Variants in PRKN observed in about 807,000 individuals in gnomAD.
The protein encoded by PRKN is parkin RBR E3 ubiquitin protein ligase.
In PRKN, 56 loss-of-function variants were observed where a neutral mutation model predicts 59.5. The observed-to-expected ratio is 0.94, with a 90% CI of 0.76 to 1.18. The LOEUF is 1.18. Ranked by LOEUF, PRKN falls within the 50% of genes most tolerant of loss-of-function variation. The pLI is 0.00. For missense variants in PRKN, 657 were observed against 596.4 expected (o/e 1.10, Z -1.06); for synonymous variants, 250 against 222.1 (o/e 1.13, Z -1.12).
intron 9 of PRKN, among the ~76,000 whole-genome samples, chr6:161,500,440 C>A (rs1039221610): frequency 6.6e-6 from 1 of 152,128 alleles, no homozygotes; most frequent in African/African-American, 2.4e-5. Flanking sequence ...TCCTGAAAAC[C>A]CTCAGTGCTC....
intron 5 of PRKN, among the ~76,000 whole-genome samples, chr6:162,022,299 C>T (rs1783238226): frequency 6.6e-6 from 1 of 151,986 alleles, no homozygotes; most frequent in South Asian, 2.1e-4. Flanking sequence ...ATTTACACGC[C>T]CACCAACAGT....
chr6:162,421,068 C>T (rs749733272), intron 2 of PRKN, among the ~76,000 whole-genome samples: 3 of 152,206 alleles, frequency 2.0e-5, no homozygotes, highest in Non-Finnish European at 4.4e-5. Flanking sequence ...AGCTCACCAC[C>T]GCTTTCTTAT....
intron 2 of PRKN, among the ~76,000 whole-genome samples, chr6:162,294,980 T>C (rs1182811601): frequency 6.6e-6 from 1 of 152,180 alleles, no homozygotes; most frequent in Admixed American, 6.5e-5. Context: ...CCATACTTAT[T>C]AGCTAAAACC....
intron 10 of PRKN, among the ~76,000 whole-genome samples, chr6:161,364,872 A>C (rs1177333175): frequency 6.6e-6 from 1 of 151,752 alleles, no homozygotes; most frequent in Non-Finnish European, 1.5e-5. Context: ...TGGAGGTTGC[A>C]GTGAGCCGAG....
At chr6:161,507,827 C>A (rs768652009) in intron 9 of PRKN, among the ~76,000 whole-genome samples, 38 of 152,178 alleles carry the variant, frequency 2.5e-4, no homozygotes, top group Admixed American at 4.6e-4. Flanking sequence ...TCACGTCCAG[C>A]CTGAATCACT....
At chr6:161,928,694 G>A (rs1233293698) in intron 6 of PRKN, among the ~76,000 whole-genome samples, 2 of 152,210 alleles carry the variant, frequency 1.3e-5, no homozygotes, top group African/African-American at 2.4e-5. Context: ...CTGACCTAGT[G>A]AGGTAGGTGT....
intron 7 of PRKN, among the ~76,000 whole-genome samples, chr6:161,733,815 T>G (rs1562641947): frequency 7.0e-6 from 1 of 143,710 alleles, no homozygotes; most frequent in Non-Finnish European, 1.5e-5. Flanking sequence ...TATATATATA[T>G]ATATATGTAT....
At chr6:162,122,206 C>G (rs1418256866) in intron 4 of PRKN, among the ~76,000 whole-genome samples, 1 of 152,126 alleles carries the variant, frequency 6.6e-6, no homozygotes, top group Non-Finnish European at 1.5e-5. Flanking sequence ...CCAGATGAAT[C>G]CTGTGGCAAA....
intron 7 of PRKN, among the ~76,000 whole-genome samples, chr6:161,701,522 AT>A (rs1369520181): frequency 1.3e-5 from 2 of 152,192 alleles, no homozygotes; most frequent in African/African-American, 4.8e-5. Context: ...TAAGAAATGG[AT>A]TTTTCAGTTA....
At chr6:162,554,942 G>A (rs1373092935) in intron 1 of PRKN, among the ~76,000 whole-genome samples, 1 of 152,162 alleles carries the variant, frequency 6.6e-6, no homozygotes, top group African/African-American at 2.4e-5. Context: ...TTATAGAAAG[G>A]AGGAATTCTG....
At chr6:162,353,723 GAT>G (rs1784720775) in intron 2 of PRKN, among the ~76,000 whole-genome samples, 1 of 152,098 alleles carries the variant, frequency 6.6e-6, no homozygotes. Context: ...TAGGTAGACT[GAT>G]ATTGAAACCC....
intron 2 of PRKN, among the ~76,000 whole-genome samples, chr6:162,381,130 T>C (rs1583470925): frequency 6.6e-6 from 1 of 152,144 alleles, no homozygotes; most frequent in South Asian, 2.1e-4. Flanking sequence ...GTCCTTGTCC[T>C]TTCCTAGCCT....
chr6:161,886,187 T>A (rs1251795506), intron 6 of PRKN, among the ~76,000 whole-genome samples: 2 of 152,220 alleles, frequency 1.3e-5, no homozygotes, highest in Non-Finnish European at 2.9e-5. Context: ...AAGAATTAAA[T>A]TTTTAACTTA....
intron 9 of PRKN, among the ~76,000 whole-genome samples, chr6:161,493,675 C>T (rs1448655910): frequency 2.6e-5 from 4 of 152,222 alleles, no homozygotes; most frequent in Admixed American, 2.6e-4. Flanking sequence ...GCTGGCAACA[C>T]CTCAGTCACT....
Position 162,065,743 on chromosome 6 carries a change from C to T in PRKN, c.535-11569G>A, listed in dbSNP as rs548812712. ...CCAGCCCTCCACCCCATGGCAGGCC[C>T]CAGTATGTGATGTTCCCTGCCCTGT... On this transcript the variant is annotated intron_variant, in intron 4 of 11. Transcript: ENST00000366898. Among the ~76,000 whole-genome samples the T allele has an allele frequency of 2.0e-5, 3 of 152,206 alleles. No homozygotes were observed. In the South Asian group the frequency reaches 6.2e-4, roughly 32 times the overall value.
At chr6:162,554,551 T>G (rs1283687801) in intron 1 of PRKN, among the ~76,000 whole-genome samples, 1 of 138,758 alleles carries the variant, frequency 7.2e-6, no homozygotes, top group Non-Finnish European at 1.5e-5. Context: ...TTTGGAGAAC[T>G]GGGGGTGGCA....
chr6:162,623,174 T>C lies in PRKN; in HGVS notation c.7+104488A>G, dbSNP rs566160569. The stretch of plus-strand genomic sequence containing the variant: ...TCGGGTCATAAATGCCTCATGCTGA[T>C]AACAGAATTCACTCGGTTTTATTTT... On this transcript the variant is annotated intron_variant, in intron 1 of 11. Coordinates refer to ENST00000366898, the MANE Select transcript of PRKN (RefSeq NM_004562.3). Among the ~76,000 whole-genome samples the C allele has an allele frequency of 5.9e-5, 9 of 152,356 alleles. No individual in the cohort carries two copies. In the South Asian group the frequency reaches 1.7e-3, roughly 28 times the overall value.
At position 162,259,039 on chromosome 6, in the gene PRKN, T is replaced by C. The variant is rs140975433; in HGVS notation, c.412+3486A>G. On this transcript the variant is annotated intron_variant, in intron 3 of 11. Transcript: ENST00000366898. ...CCCTCCCACGTCCAGCCAGCACTTA[T>C]ATTCTTCGAAGTTAAAATTGAAGAC... Among the ~76,000 whole-genome samples, 117 of 152,340 alleles carry C rather than the reference T, an allele frequency of 7.7e-4. No homozygotes were observed. In the East Asian group the frequency reaches 0.018, roughly 23 times the overall value.
At chr6:162,133,987 T>C (rs1781474051) in intron 4 of PRKN, among the ~76,000 whole-genome samples, 1 of 152,156 alleles carries the variant, frequency 6.6e-6, no homozygotes, top group Non-Finnish European at 1.5e-5. Flanking sequence ...TGAAGAAATA[T>C]GGAAGGTTAT....
Sources: allele counts gnomAD v4.1 joint callset (sites outside exome capture counted in the v4.1 genomes callset), GRCh38; gene constraint gnomAD v4.1.1; transcripts MANE v1.5; gene names NCBI Gene and HGNC (gene_info 2026-07-23, HGNC 2026-07-21).